The following DOCK5 variants were observed in gnomAD, a reference collection of about 807,000 sequenced individuals.
DOCK5 encodes dedicator of cytokinesis 5.
DOCK5 carries 142 observed loss-of-function variants against 251.8 expected under a neutral mutation model. That is an observed-to-expected ratio of 0.56 (90% CI 0.49 to 0.65). The LOEUF is 0.65. Ranked by LOEUF, DOCK5 falls within the 30% of genes least tolerant of loss-of-function variation. The pLI is 0.00. For missense variants in DOCK5, 2,111 were observed against 2,312.3 expected, an observed-to-expected ratio of 0.91 and a Z score of 1.79; for synonymous variants, 842 against 835.5, an observed-to-expected ratio of 1.01 and a Z score of -0.13.
At position 25,231,490 on chromosome 8, in the gene DOCK5, T is replaced by G. The variant is rs927562536; in HGVS notation, c.44-12184T>G. Among the ~76,000 whole-genome samples the G allele has an allele frequency of 2.4e-4, 36 of 152,196 alleles. 1 individual carries two copies. The highest frequency in any genetic ancestry group is 8.8e-5 in the Non-Finnish European group (6 of 68,038). On this transcript the variant is annotated intron_variant, in intron 1 of 51. Transcript: ENST00000276440. ...CAATTTCATATTGTTTGTTGTAGTA[T>G]AGAGAAATACAATGGATTCTTATAC...
intron 45 of DOCK5, 120 bp from the exon 46 acceptor site, chr8:25,399,791 G>A (rs1177479441): frequency 1.4e-6 from 1 of 691,840 alleles, no homozygotes; most frequent in Non-Finnish European, 2.5e-6. Flanking sequence ...TGAGGAAAGG[G>A]ATGCATTTTT....
intron 5 of DOCK5, among the ~76,000 whole-genome samples, chr8:25,286,982 T>C (rs1208507016): frequency 6.6e-6 from 1 of 152,172 alleles, no homozygotes; most frequent in African/African-American, 2.4e-5. Context: ...TACCCATCCC[T>C]GTGGTCTGCA....
intron 5 of DOCK5, among the ~76,000 whole-genome samples, chr8:25,290,500 G>A (rs1432774326): frequency 6.6e-6 from 1 of 152,104 alleles, no homozygotes; most frequent in Non-Finnish European, 1.5e-5. Context: ...TTAGTTGTAA[G>A]GTAATTTAGT....
intron 45 of DOCK5, among the ~76,000 whole-genome samples, chr8:25,396,936 C>T (rs1213457323): frequency 1.3e-5 from 2 of 152,070 alleles, no homozygotes; most frequent in Non-Finnish European, 2.9e-5. Flanking sequence ...GAATGCCTGA[C>T]TTGGCCAGGC....
At chr8:25,264,402 G>A (rs561038810) in intron 2 of DOCK5, among the ~76,000 whole-genome samples, 2 of 151,550 alleles carry the variant, frequency 1.3e-5, no homozygotes, top group South Asian at 4.2e-4. Flanking sequence ...CCTCATCAAT[G>A]TATATATCCT....
In DOCK5 at chr8:25,323,922, G is replaced by T. The variant is rs1805492972; in HGVS notation, c.1690G>T (p.Asp564Tyr). ...LMNPDGTTLQ[D>Y]GRHDLVVYKG... ...GAACCCGGATGGCACCACTCTGCAG[G>T]ATGGGAGGCACGATCTGGTGGTTTA... is the stretch of plus-strand genomic sequence containing the variant. Residue 564 changes from aspartate (D) to tyrosine (Y), a missense_variant, in exon 17 of 52, where the codon GAT (aspartate) becomes TAT (tyrosine). Transcript: ENST00000276440. 6.2e-7 allele frequency: 1 copy of T among 1,613,072 alleles called. No homozygotes were observed. Among genetic ancestry groups the T allele is most frequent in the Admixed American group, 1.7e-5 (1 of 59,902 alleles).
intron 21 of DOCK5, among the ~76,000 whole-genome samples, chr8:25,334,699 AAG>A (rs1805759943): frequency 6.6e-6 from 1 of 151,378 alleles, no homozygotes; most frequent in African/African-American, 2.4e-5. Flanking sequence ...GTGACAGAGC[AAG>A]ACTTAGTATC....
chr8:25,385,025 G>C (rs58852203), intron 40 of DOCK5, among the ~76,000 whole-genome samples: 3,388 of 152,258 alleles, frequency 0.022, 138 homozygotes, highest in African/African-American at 0.077. Flanking sequence ...GCAGGTAAAG[G>C]GGGTAGGAAT....
chr8:25,365,985 G>T (rs569150951), intron 30 of DOCK5, among the ~76,000 whole-genome samples: 117 of 152,246 alleles, frequency 7.7e-4, no homozygotes, highest in African/African-American at 2.6e-3. Flanking sequence ...CAGTTCTTTG[G>T]TACTCTGTTA....
chr8:25,229,638 C>G (rs914820867), intron 1 of DOCK5, among the ~76,000 whole-genome samples: 2 of 152,012 alleles, frequency 1.3e-5, no homozygotes, highest in South Asian at 4.2e-4. Flanking sequence ...CTAATTGTAT[C>G]TCAAAAAGAA....
chr8:25,330,340 C>T (rs1175625070), intron 18 of DOCK5, among the ~76,000 whole-genome samples: 1 of 152,070 alleles, frequency 6.6e-6, no homozygotes, highest in East Asian at 1.9e-4. Context: ...AGTACTAAGG[C>T]AAGATAAAAG....
Position 25,372,732 on chromosome 8 carries a change from C to T in DOCK5, c.3684+14C>T. The T allele has an allele frequency of 6.2e-7, 1 of 1,606,866 alleles. No homozygotes were observed. Among genetic ancestry groups the T allele is most frequent in the African/African-American group, 1.3e-5 (1 of 74,824 alleles). On this transcript the variant is annotated intron_variant, in intron 35 of 51. Transcript: ENST00000276440. ...GTGAACGTGCTGGTATGTGACATGCCTCCGGTGTGATGGGAGGGTACTGTC... is the reference window on the plus strand; with the variant it reads ...GTGAACGTGCTGGTATGTGACATGCTTCCGGTGTGATGGGAGGGTACTGTC...
At chr8:25,380,746 C>G (rs1183901329) in intron 39 of DOCK5, among the ~76,000 whole-genome samples, 3 of 152,164 alleles carry the variant, frequency 2.0e-5, no homozygotes. Context: ...TCTGTGGGCC[C>G]TCCATATTCC....
intron 13 of DOCK5, among the ~76,000 whole-genome samples, chr8:25,313,258 G>A (rs759072027): frequency 1.3e-5 from 2 of 152,018 alleles, no homozygotes; most frequent in Admixed American, 6.5e-5. Flanking sequence ...TTCTGTCCAC[G>A]CTCTTTCTCT....
intron 27 of DOCK5, among the ~76,000 whole-genome samples, chr8:25,353,429 C>T (rs1207978959): frequency 1.3e-5 from 2 of 152,166 alleles, no homozygotes; most frequent in African/African-American, 4.8e-5. Flanking sequence ...AGTGGATTAT[C>T]AGTTAACTAG....
At chr8:25,280,664 G>A (rs548613127) in intron 5 of DOCK5, among the ~76,000 whole-genome samples, 1 of 152,250 alleles carries the variant, frequency 6.6e-6, no homozygotes, top group Admixed American at 6.5e-5. Context: ...TCTGACCCTT[G>A]GGGCACACTG....
At chr8:25,337,327 G>T (rs1205376097) in intron 22 of DOCK5, among the ~76,000 whole-genome samples, 2 of 152,068 alleles carry the variant, frequency 1.3e-5, no homozygotes, top group African/African-American at 4.8e-5. Context: ...GCAAAAATTG[G>T]TCCTGTATTT....
intron 13 of DOCK5, among the ~76,000 whole-genome samples, chr8:25,315,215 C>G (rs1168453057): frequency 6.7e-6 from 1 of 150,068 alleles, no homozygotes. Flanking sequence ...ACCAGACACC[C>G]CCTCACTGTG....
At chr8:25,341,453 G>A (rs1480373589) in intron 23 of DOCK5, among the ~76,000 whole-genome samples, 3 of 152,144 alleles carry the variant, frequency 2.0e-5, no homozygotes, top group Admixed American at 2.0e-4. Flanking sequence ...CATGTTGCAA[G>A]AGAGGCTTCA....
Sources: allele counts gnomAD v4.1 joint callset (sites outside exome capture counted in the v4.1 genomes callset), GRCh38; gene constraint gnomAD v4.1.1; transcripts MANE v1.5; gene names NCBI Gene and HGNC (gene_info 2026-07-23, HGNC 2026-07-21).